The following CHCHD6 variants were observed in gnomAD, a reference collection of about 807,000 sequenced individuals.
The protein encoded by CHCHD6 is coiled-coil-helix-coiled-coil-helix domain containing 6.
A neutral mutation model predicts 32.3 loss-of-function variants in CHCHD6; 28 were observed. The observed-to-expected ratio is 0.87, with a 90% confidence interval of 0.64 to 1.19. The LOEUF (loss-of-function observed/expected upper bound fraction) is 1.19. CHCHD6 is among the 50% of genes most tolerant of loss of function. The probability of loss-of-function intolerance (pLI) is 0.00; values close to 1 mark genes in which losing one functional copy is unlikely to be tolerated. For missense variants in CHCHD6, 333 were observed against 307.0 expected (o/e 1.08, Z -0.63); for synonymous variants, 122 against 117.5 (o/e 1.04, Z -0.25).
At chr3:126,800,803 C>T (rs1032571368) in intron 4 of CHCHD6, among the ~76,000 whole-genome samples, 1 of 152,176 alleles carries the variant, frequency 6.6e-6, no homozygotes, top group African/African-American at 2.4e-5. Context: ...CAGGCTTAAC[C>T]ACAGCCCTAC....
chr3:126,846,734 G>A (rs911636174), intron 4 of CHCHD6, among the ~76,000 whole-genome samples: 1 of 152,060 alleles, frequency 6.6e-6, no homozygotes, highest in African/African-American at 2.4e-5. Flanking sequence ...GTTATTTAAA[G>A]TCCCTTTGTA....
At chr3:126,717,311 G>GA (rs1206856316) in intron 1 of CHCHD6, among the ~76,000 whole-genome samples, 1 of 152,162 alleles carries the variant, frequency 6.6e-6, no homozygotes, top group East Asian at 1.9e-4. Flanking sequence ...TCATCCTCAT[G>GA]ACCTTATATC....
intron 6 of CHCHD6, among the ~76,000 whole-genome samples, chr3:126,918,501 G>A (rs970026320): frequency 6.6e-6 from 1 of 152,176 alleles, no homozygotes; most frequent in African/African-American, 2.4e-5. Flanking sequence ...AAAATTAATT[G>A]CACAACAAGC....
intron 4 of CHCHD6, among the ~76,000 whole-genome samples, chr3:126,837,108 A>C (rs916824186): frequency 1.3e-5 from 2 of 152,186 alleles, no homozygotes; most frequent in African/African-American, 4.8e-5. Context: ...TGCAGAGATG[A>C]TATCATGATG....
intron 4 of CHCHD6, among the ~76,000 whole-genome samples, chr3:126,840,744 C>T (rs897503712): frequency 2.0e-5 from 3 of 151,850 alleles, no homozygotes; most frequent in Non-Finnish European, 2.9e-5. Flanking sequence ...TTATAGTGTA[C>T]CAGATATTTG....
chr3:126,756,974 A>G (rs1936976577), intron 4 of CHCHD6, among the ~76,000 whole-genome samples: 1 of 152,230 alleles, frequency 6.6e-6, no homozygotes, highest in Admixed American at 6.5e-5. Flanking sequence ...GTGCACTTGT[A>G]AATCAACTGG....
chr3:126,785,586 T>A (rs1272301386), intron 4 of CHCHD6, among the ~76,000 whole-genome samples: 1 of 152,214 alleles, frequency 6.6e-6, no homozygotes, highest in Non-Finnish European at 1.5e-5. Context: ...TAGTTTGTTT[T>A]TAAATTGTAA....
chr3:126,747,924 AC>A (rs1393900001), intron 4 of CHCHD6, among the ~76,000 whole-genome samples: 1 of 151,806 alleles, frequency 6.6e-6, no homozygotes, highest in Non-Finnish European at 1.5e-5. Context: ...CCTGGGCGTT[AC>A]CCTCTCTGCT....
chr3:126,725,034 C>T (rs1290767933), intron 1 of CHCHD6, among the ~76,000 whole-genome samples: 1 of 152,148 alleles, frequency 6.6e-6, no homozygotes, highest in Non-Finnish European at 1.5e-5. Flanking sequence ...CTTTTAGACT[C>T]CTATTAATAT....
At chr3:126,762,739 G>A (rs1490359504) in intron 4 of CHCHD6, among the ~76,000 whole-genome samples, 1 of 152,080 alleles carries the variant, frequency 6.6e-6, no homozygotes, top group Non-Finnish European at 1.5e-5. Context: ...CCTATACTTT[G>A]GAGCTCTGTT....
intron 4 of CHCHD6, among the ~76,000 whole-genome samples, chr3:126,815,394 G>T (rs575610083): frequency 6.6e-6 from 1 of 152,092 alleles, no homozygotes; most frequent in Non-Finnish European, 1.5e-5. Flanking sequence ...CAGCATGGTC[G>T]CACACAGAAT....
intron 6 of CHCHD6, among the ~76,000 whole-genome samples, chr3:126,920,232 T>A (rs549835434): frequency 6.7e-6 from 1 of 149,498 alleles, no homozygotes; most frequent in South Asian, 2.1e-4. Context: ...TTTTTAAGAT[T>A]CCCAGTCTTT....
rs935806443 is a variant in CHCHD6, at chr3:126,741,578, A to G, written c.411+8356A>G. Among the ~76,000 whole-genome samples the G allele has an allele frequency of 2.0e-5, 3 of 152,076 alleles. No individual in the cohort carries two copies. In the East Asian group the frequency reaches 5.8e-4, roughly 29 times the overall value. ...TGTCGCCTGGCTCTCTGTTCATCTCACTGCCTGACTTCCACACCTGGCTGT... is the reference window on the plus strand; with the variant it reads ...TGTCGCCTGGCTCTCTGTTCATCTCGCTGCCTGACTTCCACACCTGGCTGT... On this transcript the variant is annotated intron_variant, in intron 4 of 7. Coordinates refer to ENST00000290913, the MANE Select transcript of CHCHD6 (RefSeq NM_032343.3).
chr3:126,948,771 G>A (rs2078675121), intron 6 of CHCHD6, among the ~76,000 whole-genome samples: 1 of 152,218 alleles, frequency 6.6e-6, no homozygotes, highest in African/African-American at 2.4e-5. Context: ...TTGTGCTACA[G>A]GAAAGCTAAA....
intron 6 of CHCHD6, among the ~76,000 whole-genome samples, chr3:126,937,452 C>T (rs1559932645): frequency 6.6e-6 from 1 of 152,082 alleles, no homozygotes; most frequent in Non-Finnish European, 1.5e-5. Flanking sequence ...TGGCTTGTCT[C>T]GGAGAAGGCT....
At chr3:126,862,150 A>G (rs1369951770) in intron 5 of CHCHD6, among the ~76,000 whole-genome samples, 1 of 36,546 alleles carries the variant, frequency 2.7e-5, no homozygotes, top group Non-Finnish European at 5.0e-5. Context: ...CACCATCACC[A>G]CCTCCCCCTC....
At chr3:126,805,035 T>C (rs1428071288) in intron 4 of CHCHD6, among the ~76,000 whole-genome samples, 1 of 152,142 alleles carries the variant, frequency 6.6e-6, no homozygotes, top group Non-Finnish European at 1.5e-5. Flanking sequence ...AAATTAGGTA[T>C]TGATGGGACG....
intron 5 of CHCHD6, among the ~76,000 whole-genome samples, chr3:126,871,578 A>C (rs1204866699): frequency 2.0e-5 from 3 of 150,424 alleles, no homozygotes; most frequent in Admixed American, 2.0e-4. Flanking sequence ...TCCCCACCCT[A>C]TGAGTAGCGA....
At chr3:126,805,381 G>A (rs28783829) in intron 4 of CHCHD6, among the ~76,000 whole-genome samples, 52,074 of 150,378 alleles carry the variant, frequency 0.35, 10,940 homozygotes, top group African/African-American at 0.6. Flanking sequence ...ATGTGCAAAA[G>A]TCACAAGCAT....
Sources: gnomAD v4.1 joint callset for allele counts (sites outside exome capture counted in the v4.1 genomes callset) on GRCh38, gnomAD v4.1.1 for gene constraint, MANE v1.5 for transcripts, NCBI Gene and HGNC (gene_info 2026-07-23, HGNC 2026-07-21) for gene names.